RNF8: variants seen among roughly 807,000 people sequenced by gnomAD.
The protein encoded by RNF8 is E3 ubiquitin-protein ligase RNF8.
In RNF8, 8 loss-of-function variants were observed where a neutral mutation model predicts 59.3. The ratio of observed to expected loss-of-function variants is 0.13; its 90% confidence interval spans 0.08 to 0.24. The LOEUF is 0.24. RNF8 is among the 10% of genes least tolerant of loss of function. RNF8 has a pLI of 1.00. For synonymous variants in RNF8, 162 were observed against 200.0 expected (o/e 0.81, Z 1.60); for missense variants, 406 against 572.6 (o/e 0.71, Z 2.97).
At chr6:37,376,295 A>C (rs534795298) in intron 5 of RNF8, among the ~76,000 whole-genome samples, 1 of 152,230 alleles carries the variant, frequency 6.6e-6, no homozygotes, top group East Asian at 1.9e-4. Flanking sequence ...CATTTGATTA[A>C]TTTTGGGGAA....
chr6:37,390,017 A>G (rs1562100845), intron 7 of RNF8, among the ~76,000 whole-genome samples: 1 of 152,260 alleles, frequency 6.6e-6, no homozygotes, highest in Non-Finnish European at 1.5e-5. Context: ...CAGGATTCCC[A>G]CAAGGAAGCG....
At chr6:37,387,055 T>G (rs1230993496) in intron 7 of RNF8, among the ~76,000 whole-genome samples, 1 of 152,192 alleles carries the variant, frequency 6.6e-6, no homozygotes, top group Non-Finnish European at 1.5e-5. Context: ...TTGAGTTTCT[T>G]GGTTAACCCT....
intron 7 of RNF8, 56 bp from the exon 8 acceptor site, chr6:37,390,686 C>T (rs370344073): frequency 1.5e-6 from 2 of 1,345,446 alleles, no homozygotes; most frequent in African/African-American, 1.4e-5. Flanking sequence ...GCAGGGAGTC[C>T]ACGGAAGGGA....
At position 37,394,303 on chromosome 6, in the gene RNF8, G is replaced by T. The variant is rs1031628918; in HGVS notation, c.*3545G>T. 2.0e-5 allele frequency: 3 copies of T among 152,238 alleles called. No individual in the cohort carries two copies. Among genetic ancestry groups the T allele is most frequent in the Non-Finnish European group, 4.4e-5 (3 of 68,060 alleles). 9.4% of individuals were successfully genotyped at this position (152,238 alleles called of 1,614,324 possible). A position where few individuals can be genotyped will look rare whatever the true frequency, so the allele number is the denominator to read the frequency against. On this transcript the variant is annotated 3_prime_UTR_variant, in exon 8 of 8. Coordinates refer to ENST00000373479, the MANE Select transcript of RNF8 (RefSeq NM_003958.4). ...GAGAAAGAAACTTCCTACCTGGTCA[G>T]CTTTTTCAGCTTCTCCAACAAATGG...
At chr6:37,375,848 T>G (rs1240078729) in intron 5 of RNF8, among the ~76,000 whole-genome samples, 1 of 152,180 alleles carries the variant, frequency 6.6e-6, no homozygotes, top group African/African-American at 2.4e-5. Flanking sequence ...GCTTTTTGTT[T>G]TGGGGGTGAA....
chr6:37,388,099 G>C (rs758137812), intron 7 of RNF8, among the ~76,000 whole-genome samples: 11 of 152,172 alleles, frequency 7.2e-5, no homozygotes, highest in Non-Finnish European at 1.3e-4. Context: ...ACGACATGGT[G>C]CTGGGAACAA....
chr6:37,380,670 CA>C (rs1270420232), intron 6 of RNF8, among the ~76,000 whole-genome samples: 6,480 of 105,020 alleles, frequency 0.062, 406 homozygotes, highest in African/African-American at 0.18. Context: ...GACTCCGTCT[CA>C]AAAAAAAAAA....
In RNF8 at chr6:37,354,208, G is replaced by C; in HGVS notation, c.44G>C (p.Gly15Ala). Residue 15 changes from glycine (G) to alanine (A), a missense_variant, in exon 1 of 8, where the codon GGC becomes GCC. By Grantham distance (60) the Gly-to-Ala change is moderately conservative. This residue lies in a region of RNF8 where 62 missense variants were observed against 112.2 expected (regional missense o/e 0.55). Coordinates refer to ENST00000373479, the MANE Select transcript of RNF8 (RefSeq NM_003958.4). ...GFFVTGDRAG[G>A]RSWCLRRVGM... ...TTCGTCACAGGAGACCGCGCCGGTG[G>C]CCGGAGCTGGTGCCTGCGGCGGGTG... The C allele has an allele frequency of 6.3e-7, 1 of 1,589,374 alleles. No homozygotes were observed. The highest frequency in any genetic ancestry group is 1.1e-5 in the South Asian group (1 of 87,242).
intron 4 of RNF8, among the ~76,000 whole-genome samples, chr6:37,372,283 C>G (rs1352858197): frequency 6.6e-6 from 1 of 152,030 alleles, no homozygotes; most frequent in Non-Finnish European, 1.5e-5. Flanking sequence ...GGAATTTGTT[C>G]AGGGGAATTT....
At chr6:37,384,652 G>A (rs1157016515) in intron 7 of RNF8, among the ~76,000 whole-genome samples, 2 of 152,192 alleles carry the variant, frequency 1.3e-5, no homozygotes, top group East Asian at 1.9e-4. Flanking sequence ...AGTAGAGGGT[G>A]GACCTAACAC....
chr6:37,354,686 G>A (rs536160516), intron 1 of RNF8, among the ~76,000 whole-genome samples: 1 of 151,184 alleles, frequency 6.6e-6, no homozygotes, highest in Non-Finnish European at 1.5e-5. Flanking sequence ...AGAGGGACGC[G>A]CAGGGAACGT....
chr6:37,376,018 G>C (rs1258641495), intron 5 of RNF8, among the ~76,000 whole-genome samples: 1 of 152,114 alleles, frequency 6.6e-6, no homozygotes, highest in Non-Finnish European at 1.5e-5. Flanking sequence ...GGAGCCTGAA[G>C]GTAATTCAAG....
At chr6:37,375,654 C>T (rs1769982594) in intron 5 of RNF8, among the ~76,000 whole-genome samples, 1 of 152,188 alleles carries the variant, frequency 6.6e-6, no homozygotes, top group Non-Finnish European at 1.5e-5. Flanking sequence ...TTTTTAAACC[C>T]AGTGATTCAT....
chr6:37,360,409 G>T lies in RNF8; in HGVS notation c.112-37G>T. ...AAAGGACCTCCCTTTTCAGCACAAT[G>T]ACTGATGGTATTTCTTGCATTGTTG... On this transcript the variant is annotated intron_variant, in intron 1 of 7. Transcript: ENST00000373479. The surrounding 1 kb of genome is among the most constrained non-coding windows in gnomAD (Gnocchi z 4.2). 1 of 1,609,816 alleles carries T rather than the reference G, an allele frequency of 6.2e-7. No homozygotes were observed. The highest frequency in any genetic ancestry group is 1.1e-5 in the South Asian group (1 of 90,896).
chr6:37,378,627 A>G (rs1409315563), intron 6 of RNF8, among the ~76,000 whole-genome samples: 1 of 151,890 alleles, frequency 6.6e-6, no homozygotes, highest in Non-Finnish European at 1.5e-5. Context: ...AAAAAAAGAA[A>G]AACATATACA....
Position 37,354,076 on chromosome 6 carries a change from G to C in RNF8, c.-89G>C. On this transcript the variant is annotated 5_prime_UTR_variant, in exon 1 of 8. Transcript: ENST00000373479. Reference sequence around the variant, plus strand: ...GGCGATTGCTTCTGTCTGTTATTTAGATATGGAAGCTGAGGGGATGCACAG... The same window carrying C: ...GGCGATTGCTTCTGTCTGTTATTTACATATGGAAGCTGAGGGGATGCACAG... The C allele has an allele frequency of 9.4e-7, 1 of 1,064,022 alleles. No homozygotes were observed. Among genetic ancestry groups the C allele is most frequent in the Non-Finnish European group, 1.4e-6 (1 of 705,764 alleles). 65.9% of individuals were successfully genotyped at this position (1,064,022 alleles called of 1,614,324 possible).
Position 37,390,962 on chromosome 6 carries a change from G to T in RNF8, c.*204G>T. On this transcript the variant is annotated 3_prime_UTR_variant, in exon 8 of 8. Coordinates refer to ENST00000373479, the MANE Select transcript of RNF8 (RefSeq NM_003958.4). The stretch of plus-strand genomic sequence containing the variant: ...CCATCATTGGCTGAAGCACCACCAG[G>T]ATTCACGGCACCCAACTGCTTCAGG... 1 of 749,508 alleles carries T rather than the reference G, an allele frequency of 1.3e-6. No homozygotes were observed. 46.4% of individuals were successfully genotyped at this position (749,508 alleles called of 1,614,324 possible).
intron 5 of RNF8, among the ~76,000 whole-genome samples, chr6:37,376,128 G>C (rs1025906082): frequency 6.6e-6 from 1 of 152,194 alleles, no homozygotes; most frequent in African/African-American, 2.4e-5. Flanking sequence ...CAAGTTTCCT[G>C]CCTCTGGACT....
intron 6 of RNF8, among the ~76,000 whole-genome samples, chr6:37,380,544 G>A (rs540011083): frequency 1.1e-3 from 159 of 151,238 alleles, no homozygotes; most frequent in South Asian, 6.8e-3. Context: ...AGTGGCAGGC[G>A]CCTGTAGTCC....
Sources: allele counts gnomAD v4.1 joint callset (sites outside exome capture counted in the v4.1 genomes callset), GRCh38; gene constraint gnomAD v4.1.1; regional missense constraint gnomAD v4.1.1; non-coding constraint Gnocchi (gnomAD v3.1); transcripts MANE v1.5; gene names NCBI Gene and HGNC (gene_info 2026-07-23, HGNC 2026-07-21).